Variants in CTTNBP2NL observed in about 807,000 individuals in gnomAD.
The protein encoded by CTTNBP2NL is CTTNBP2 N-terminal-like protein.
Under a neutral mutation model 32.5 loss-of-function variants are expected in CTTNBP2NL, and 16 were observed. That is an observed-to-expected ratio of 0.49 (90% CI 0.33 to 0.75). The LOEUF (loss-of-function observed/expected upper bound fraction) is 0.75, where lower values mean the gene tolerates loss of function less well. Ranked by LOEUF, CTTNBP2NL falls within the 30% of genes least tolerant of loss-of-function variation. CTTNBP2NL has a pLI of 0.02. For synonymous variants in CTTNBP2NL, 298 were observed against 289.4 expected (o/e 1.03, Z -0.30); for missense variants, 645 against 756.0 (o/e 0.85, Z 1.72).
At chr1:112,445,731 AG>A (rs752905750) in intron 3 of CTTNBP2NL, among the ~76,000 whole-genome samples, 11 of 152,250 alleles carry the variant, frequency 7.2e-5, no homozygotes, top group Non-Finnish European at 1.6e-4. Context: ...AACTGTTCTC[AG>A]GCTGAGACCT....
At chr1:112,445,816 G>A (rs1650021391) in intron 3 of CTTNBP2NL, among the ~76,000 whole-genome samples, 1 of 152,106 alleles carries the variant, frequency 6.6e-6, no homozygotes, top group African/African-American at 2.4e-5. Context: ...TCACAGTGTG[G>A]GTTTTAAAAG....
At chr1:112,412,634 T>G (rs911883732) in intron 2 of CTTNBP2NL, among the ~76,000 whole-genome samples, 3 of 144,122 alleles carry the variant, frequency 2.1e-5, no homozygotes, top group Non-Finnish European at 3.0e-5. Context: ...TTTTTTTTTT[T>G]GACACAGAGT....
chr1:112,432,135 A>G (rs1649584683), intron 3 of CTTNBP2NL, among the ~76,000 whole-genome samples: 2 of 130,802 alleles, frequency 1.5e-5, no homozygotes, highest in Non-Finnish European at 1.5e-5. Context: ...GTGCAGTGGC[A>G]TGATCTCAGC....
chr1:112,421,893 C>A (rs1649243454), intron 3 of CTTNBP2NL, among the ~76,000 whole-genome samples: 1 of 152,050 alleles, frequency 6.6e-6, no homozygotes, highest in Non-Finnish European at 1.5e-5. Flanking sequence ...ATGCAGAAGC[C>A]TTCGTAGCAG....
chr1:112,432,983 C>G (rs933718633), intron 3 of CTTNBP2NL, among the ~76,000 whole-genome samples: 5 of 152,088 alleles, frequency 3.3e-5, no homozygotes, highest in Admixed American at 6.6e-5. Flanking sequence ...GTTGACCATC[C>G]TCCTTGTTAA....
At chr1:112,446,395 T>G (rs988713738) in intron 3 of CTTNBP2NL, among the ~76,000 whole-genome samples, 2 of 151,994 alleles carry the variant, frequency 1.3e-5, no homozygotes, top group Admixed American at 1.3e-4. Flanking sequence ...AAAAAAAAAT[T>G]TGATACTTTC....
At chr1:112,403,504 T>C (rs1280398018) in intron 1 of CTTNBP2NL, among the ~76,000 whole-genome samples, 1 of 152,216 alleles carries the variant, frequency 6.6e-6, no homozygotes, top group African/African-American at 2.4e-5. Context: ...GACAGATATG[T>C]AAACAGATGA....
chr1:112,451,302 A>C (rs1030639377), intron 4 of CTTNBP2NL, among the ~76,000 whole-genome samples: 1 of 149,580 alleles, frequency 6.7e-6, no homozygotes, highest in Non-Finnish European at 1.5e-5. Flanking sequence ...AACAAATTTA[A>C]TCCTCTTTTC....
chr1:112,439,937 A>G (rs928009822), intron 3 of CTTNBP2NL, among the ~76,000 whole-genome samples: 1 of 152,242 alleles, frequency 6.6e-6, no homozygotes, highest in African/African-American at 2.4e-5. Context: ...TCTAAACATT[A>G]ATGATATTGT....
At chr1:112,428,266 A>AT (rs1338263792) in intron 3 of CTTNBP2NL, among the ~76,000 whole-genome samples, 1 of 152,052 alleles carries the variant, frequency 6.6e-6, no homozygotes, top group Non-Finnish European at 1.5e-5. Context: ...AGAAATGTTG[A>AT]TTTTTTTAAG....
chr1:112,408,050 T>C (rs1360432614), intron 1 of CTTNBP2NL, among the ~76,000 whole-genome samples: 4 of 151,744 alleles, frequency 2.6e-5, no homozygotes, highest in Admixed American at 2.6e-4. Context: ...TTTTGCCATG[T>C]TGTCCAGGCT....
At chr1:112,437,473 G>A (rs987277560) in intron 3 of CTTNBP2NL, among the ~76,000 whole-genome samples, 3 of 152,086 alleles carry the variant, frequency 2.0e-5, no homozygotes, top group Non-Finnish European at 4.4e-5. Context: ...CTTTTTAATA[G>A]AATTGCTTGG....
chr1:112,426,816 G>A (rs976258099), intron 3 of CTTNBP2NL, among the ~76,000 whole-genome samples: 1 of 151,986 alleles, frequency 6.6e-6, no homozygotes, highest in African/African-American at 2.4e-5. Context: ...ATATTGGCCA[G>A]ACTAGTCTCA....
At chr1:112,441,222 G>A (rs1018049143) in intron 3 of CTTNBP2NL, among the ~76,000 whole-genome samples, 5 of 152,092 alleles carry the variant, frequency 3.3e-5, no homozygotes, top group Non-Finnish European at 7.4e-5. Flanking sequence ...GTCCCCAGAG[G>A]AAACCACTCT....
At chr1:112,420,290 G>T (rs141045276) in intron 3 of CTTNBP2NL, among the ~76,000 whole-genome samples, 1,705 of 151,712 alleles carry the variant, frequency 0.011, 33 homozygotes, top group African/African-American at 0.039. Context: ...GATTACAGGC[G>T]TGCGCCACCA....
intron 3 of CTTNBP2NL, among the ~76,000 whole-genome samples, chr1:112,423,210 T>G (rs1352242058): frequency 6.6e-6 from 1 of 152,184 alleles, no homozygotes; most frequent in African/African-American, 2.4e-5. Flanking sequence ...ATGCAAGTCC[T>G]TTATCAAATA....
chr1:112,454,195 C>G (rs1650302775), intron 4 of CTTNBP2NL, among the ~76,000 whole-genome samples: 1 of 152,182 alleles, frequency 6.6e-6, no homozygotes, highest in Admixed American at 6.5e-5. Flanking sequence ...ATTAGTTGCT[C>G]TCTTCTCTCT....
chr1:112,449,284 G>A (rs528559717), intron 4 of CTTNBP2NL, 112 bp downstream of exon 4: 32 of 614,522 alleles, frequency 5.2e-5, no homozygotes, highest in East Asian at 4.4e-4. Flanking sequence ...GACATCTCAC[G>A]GGTATCAAAA....
chr1:112,431,351 A>G (rs1649565098), intron 3 of CTTNBP2NL, among the ~76,000 whole-genome samples: 1 of 152,252 alleles, frequency 6.6e-6, no homozygotes, highest in African/African-American at 2.4e-5. Flanking sequence ...GAAGCAAAGG[A>G]AGACAAAGAG....
Sources: allele counts gnomAD v4.1 joint callset (sites outside exome capture counted in the v4.1 genomes callset), GRCh38; gene constraint gnomAD v4.1.1; transcripts MANE v1.5; gene names NCBI Gene and HGNC (gene_info 2026-07-23, HGNC 2026-07-21).